CDC42BPB: variants seen among roughly 807,000 people sequenced by gnomAD.
CDC42BPB encodes serine/threonine-protein kinase MRCK beta.
A neutral mutation model predicts 214.9 loss-of-function variants in CDC42BPB; 37 were observed. That is an observed-to-expected ratio of 0.17 (90% confidence interval 0.13 to 0.23). The LOEUF is 0.23. Among genes scored for constraint, CDC42BPB ranks in the 10% least tolerant of loss-of-function variants. CDC42BPB has a pLI of 1.00. For missense variants in CDC42BPB, 1,694 were observed against 2,227.0 expected, an observed-to-expected ratio of 0.76 and a Z score of 4.82; for synonymous variants, 931 against 884.0, an observed-to-expected ratio of 1.05 and a Z score of -0.94.
chr14:103,050,297 T>C lies in CDC42BPB; in HGVS notation c.175+6702A>G, dbSNP rs115120115. ...AAGGCTAAAATAAAATAAAGATATT[T>C]CAAAGCAGGCACCTGCAAGGAGGCC... On this transcript the variant is annotated intron_variant, in intron 1 of 36. Coordinates refer to ENST00000361246, the MANE Select transcript of CDC42BPB (RefSeq NM_006035.4). Among the ~76,000 whole-genome samples, 761 of 152,274 alleles carry C rather than the reference T, an allele frequency of 5.0e-3. 11 individuals are homozygous for C. The highest frequency in any genetic ancestry group is 0.017 in the African/African-American group (711 of 41,542).
At position 102,988,172 on chromosome 14, in the gene CDC42BPB, G is replaced by T. The variant is rs561456383; in HGVS notation, c.597-1592C>A. Among the ~76,000 whole-genome samples, 4 of 152,114 alleles carry T rather than the reference G, an allele frequency of 2.6e-5. No individual in the cohort carries two copies. In the South Asian group the frequency reaches 6.2e-4, roughly 24 times the overall value. On this transcript the variant is annotated intron_variant, in intron 5 of 36. Transcript: ENST00000361246. The stretch of plus-strand genomic sequence containing the variant: ...GAAAAATTGAAGAAAGGGAAGAAAA[G>T]ATCTAGAAGAATAAAATGAGGTAAA...
At chr14:102,980,652 T>C in intron 8 of CDC42BPB, 121 bp downstream of exon 8, 2 of 889,302 alleles carry the variant, frequency 2.2e-6, no homozygotes, top group Non-Finnish European at 3.5e-6. Context: ...AAAAGCACAC[T>C]GTCTTAAGTG....
At chr14:102,984,625 G>A (rs942215867) in intron 6 of CDC42BPB, among the ~76,000 whole-genome samples, 3 of 152,058 alleles carry the variant, frequency 2.0e-5, no homozygotes, top group Admixed American at 6.5e-5. Flanking sequence ...GCAAGCGGGA[G>A]GAGCCTGGTG....
chr14:103,025,016 C>T (rs1886972096), intron 1 of CDC42BPB, among the ~76,000 whole-genome samples: 2 of 152,134 alleles, frequency 1.3e-5, no homozygotes, highest in African/African-American at 4.8e-5. Flanking sequence ...ATCTAGTAGA[C>T]AGTATATTTT....
chr14:102,940,965 T>C (rs1891865172), intron 30 of CDC42BPB, among the ~76,000 whole-genome samples: 1 of 152,264 alleles, frequency 6.6e-6, no homozygotes, highest in South Asian at 2.1e-4. Context: ...TGCTCATCTG[T>C]TGGCTTACAG....
intron 1 of CDC42BPB, among the ~76,000 whole-genome samples, chr14:103,030,088 C>T (rs533235891): frequency 2.6e-5 from 4 of 152,136 alleles, no homozygotes; most frequent in African/African-American, 7.2e-5. Context: ...CCAAGCAAAC[C>T]GCCCTCAGAG....
At chr14:102,958,152 T>C (rs1038429679) in intron 21 of CDC42BPB, among the ~76,000 whole-genome samples, 2 of 152,176 alleles carry the variant, frequency 1.3e-5, no homozygotes, top group Non-Finnish European at 2.9e-5. Flanking sequence ...GAAAGGGCAT[T>C]CCTGGGACGA....
intron 3 of CDC42BPB, among the ~76,000 whole-genome samples, chr14:103,006,470 T>C (rs1015976758): frequency 1.3e-5 from 2 of 152,254 alleles, no homozygotes; most frequent in African/African-American, 2.4e-5. Context: ...AGGAAACTTA[T>C]GTATTATCCA....
intron 20 of CDC42BPB, 150 bp downstream of exon 20, chr14:102,962,911 T>C: frequency 3.7e-6 from 2 of 540,448 alleles, no homozygotes; most frequent in African/African-American, 1.9e-5. Context: ...TATTTGAAGA[T>C]GTTGTTTGAA....
rs1287324056 is a variant in CDC42BPB, at chr14:102,933,740, CCTT to C, written c.5105_5107del (p.Glu1702del). 2.0e-6 allele frequency: 3 copies of C among 1,490,024 alleles called. No individual in the cohort carries two copies. The highest frequency in any genetic ancestry group is 1.5e-5 in the African/African-American group (1 of 67,976). 92.3% of individuals were successfully genotyped at this position (1,490,024 alleles called of 1,614,324 possible). On this transcript the variant is annotated inframe_deletion, in exon 37 of 37. Coordinates refer to ENST00000361246, the MANE Select transcript of CDC42BPB (RefSeq NM_006035.4). Reference sequence around the variant, plus strand: ...GGTGTCACAGGCCGGCTGCTCCAGGCCTTCGAGGGGGAGCTGGCTCCTGTGGGG... The same window carrying C: ...GGTGTCACAGGCCGGCTGCTCCAGGCCGAGGGGGAGCTGGCTCCTGTGGGG...
chr14:102,971,352 T>A (rs796715534), intron 13 of CDC42BPB, among the ~76,000 whole-genome samples: 1 of 152,260 alleles, frequency 6.6e-6, no homozygotes, highest in African/African-American at 2.4e-5. Flanking sequence ...TCTGCCATGG[T>A]GCATGTTGAG....
intron 1 of CDC42BPB, among the ~76,000 whole-genome samples, chr14:103,018,336 T>C (rs1886582184): frequency 6.6e-6 from 1 of 152,172 alleles, no homozygotes; most frequent in African/African-American, 2.4e-5. Context: ...TATTTGCAAC[T>C]TTTCTGAAGT....
At chr14:102,977,281 G>T (rs969334828) in intron 9 of CDC42BPB, among the ~76,000 whole-genome samples, 6 of 140,148 alleles carry the variant, frequency 4.3e-5, no homozygotes, top group Admixed American at 1.6e-4. Context: ...AGAAGTTGCA[G>T]TAAGCTGAGA....
At chr14:102,970,007 C>T in intron 14 of CDC42BPB, 144 bp downstream of exon 14, 1 of 585,422 alleles carries the variant, frequency 1.7e-6, no homozygotes, top group Non-Finnish European at 3.0e-6. Context: ...CACCCCCCAC[C>T]TCTCCACATG....
rs547857016 is a variant in CDC42BPB, at chr14:103,023,688, G to C, written c.176-11500C>G. On this transcript the variant is annotated intron_variant, in intron 1 of 36. Transcript: ENST00000361246. ...TTTTTCCTTTTTTTAACTGATTTTCGAGTAAAAACTTTAGTTTTGACAAAG... is the reference window on the plus strand; with the variant it reads ...TTTTTCCTTTTTTTAACTGATTTTCCAGTAAAAACTTTAGTTTTGACAAAG... Among the ~76,000 whole-genome samples, 67 of 151,616 alleles carry C rather than the reference G, an allele frequency of 4.4e-4. 1 individual carries two copies. The highest frequency in any genetic ancestry group is 3.4e-3 in the Admixed American group (52 of 15,210).
chr14:102,954,588 C>A lies in CDC42BPB; in HGVS notation c.2988+14G>T, dbSNP rs751888569. ...ACCCCAGGTGGGAGCATCACCAGGG[C>A]AACGCTGTCTCACCTCCTGCTGCTC... On this transcript the variant is annotated intron_variant, in intron 22 of 36. Coordinates refer to ENST00000361246, the MANE Select transcript of CDC42BPB (RefSeq NM_006035.4). 5 of 1,607,050 alleles carry A rather than the reference C, an allele frequency of 3.1e-6. No homozygotes were observed. In the South Asian group the frequency reaches 3.3e-5, roughly 11 times the overall value.
Position 102,945,733 on chromosome 14 carries a change from G to C in CDC42BPB, c.3749-9C>G, listed in dbSNP as rs964542009. 3 of 1,612,346 alleles carry C rather than the reference G, an allele frequency of 1.9e-6. No individual in the cohort carries two copies. In the African/African-American group the frequency reaches 4.0e-5, roughly 22 times the overall value. On this transcript the variant is annotated splice_polypyrimidine_tract_variant and intron_variant, in intron 28 of 36. Transcript: ENST00000361246. ...TGCAATCCTGTCTGCATCTGTGGAG[G>C]GGTAAGTAACATACACAAAGTCAGT...
rs1253873946 is a variant in CDC42BPB, at chr14:102,966,323, G to C, written c.2536C>G (p.Leu846Val). Reference protein sequence around the residue: ...QALASKMTEELEALRSSSLGS... With the variant: ...QALASKMTEEVEALRSSSLGS... ...AGACTAGAACTCCTCAAAGCCTCGAGCTCTTCGGTCATCTTGGAAGCAAGA... is the reference window on the plus strand; with the variant it reads ...AGACTAGAACTCCTCAAAGCCTCGACCTCTTCGGTCATCTTGGAAGCAAGA... Residue 846 changes from leucine (L) to valine (V), a missense_variant, in exon 18 of 37, where the codon CTC (leucine) becomes GTC (valine). Physicochemically the swap from Leu to Val is conservative, Grantham distance 32 (BLOSUM62 1). This residue lies in a region of CDC42BPB where 55 missense variants were observed against 95.5 expected (regional missense o/e 0.58). Coordinates refer to ENST00000361246, the MANE Select transcript of CDC42BPB (RefSeq NM_006035.4). 6.2e-7 allele frequency: 1 copy of C among 1,613,986 alleles called. No individual in the cohort carries two copies. The highest frequency in any genetic ancestry group is 8.5e-7 in the Non-Finnish European group (1 of 1,179,970).
chr14:103,008,321 G>A (rs1885963808), intron 3 of CDC42BPB, 151 bp downstream of exon 3: 5 of 594,668 alleles, frequency 8.4e-6, no homozygotes, highest in South Asian at 2.2e-5. Flanking sequence ...GGAGGAGACT[G>A]AGACCTCCTC....
Sources: gnomAD v4.1 joint callset for allele counts (sites outside exome capture counted in the v4.1 genomes callset) on GRCh38, gnomAD v4.1.1 for gene constraint, gnomAD v4.1.1 regional missense constraint, MANE v1.5 for transcripts, NCBI Gene and HGNC (gene_info 2026-07-23, HGNC 2026-07-21) for gene names.